Variants in TAMM41 observed in about 807,000 individuals in gnomAD.
The protein encoded by TAMM41 is TAM41 mitochondrial translocator assembly and maintenance homolog, also known as phosphatidate cytidylyltransferase, mitochondrial.
Under a neutral mutation model 44.1 loss-of-function variants are expected in TAMM41, and 36 were observed. The observed-to-expected ratio is 0.82, with a 90% CI of 0.63 to 1.08. The LOEUF (loss-of-function observed/expected upper bound fraction) is 1.08, where lower values mean the gene tolerates loss of function less well. TAMM41 is among the 50% of genes least tolerant of loss of function. The probability of loss-of-function intolerance (pLI) is 0.00; values close to 1 mark genes in which losing one functional copy is unlikely to be tolerated. For synonymous variants in TAMM41, 164 were observed against 153.1 expected, an observed-to-expected ratio of 1.07 and a Z score of -0.53; for missense variants, 417 against 404.3, an observed-to-expected ratio of 1.03 and a Z score of -0.27.
the TAMM41 span, among the ~76,000 whole-genome samples, chr3:11,778,493 A>G: frequency 6.6e-6 from 1 of 152,262 alleles, no homozygotes; most frequent in South Asian, 2.1e-4. Context: ...GGAACTCTAT[A>G]TTTAACCACT....
chr3:11,835,626 T>C (rs2079143305), intron 3 of TAMM41, among the ~76,000 whole-genome samples: 1 of 152,236 alleles, frequency 6.6e-6, no homozygotes, highest in African/African-American at 2.4e-5. Flanking sequence ...ATTTCAGCTT[T>C]CTAAAGCCTT....
chr3:11,757,837 T>A, the TAMM41 span, among the ~76,000 whole-genome samples: 2 of 152,160 alleles, frequency 1.3e-5, no homozygotes. Flanking sequence ...AGAGCCTCTT[T>A]CTAATCCTGC....
the TAMM41 span, among the ~76,000 whole-genome samples, chr3:11,760,989 A>AC: frequency 1.4e-5 from 2 of 147,894 alleles, no homozygotes; most frequent in Middle Eastern, 3.4e-3. Flanking sequence ...ACACGGTGAA[A>AC]CCCCGTCTCT....
Position 11,829,733 on chromosome 3 carries a change from A to C in TAMM41, c.543T>G (p.Ile181Met). 1.2e-6 allele frequency: 2 copies of C among 1,614,148 alleles called. No individual in the cohort carries two copies. Among genetic ancestry groups the C allele is most frequent in the African/African-American group, 2.7e-5 (2 of 75,038 alleles). ...SFSEEDLFIE[I>M]AGLSYSGDFR... ...ACTAACCTGAATAGGAGAGACCGGC[A>C]ATCTCTATGAAGAGGTCTTCTTCAG... is the stretch of plus-strand genomic sequence containing the variant. The change falls in exon 4 of 8, where the codon ATT (isoleucine) becomes ATG (methionine). Residue 181 changes from isoleucine (I) to methionine (M), a missense_variant. Physicochemically the swap from Ile to Met is conservative, Grantham distance 10. Coordinates refer to ENST00000455809, the MANE Select transcript of TAMM41 (RefSeq NM_001284401.2).
At chr3:11,821,603 A>C (rs2078522903) in intron 4 of TAMM41, among the ~76,000 whole-genome samples, 1 of 152,212 alleles carries the variant, frequency 6.6e-6, no homozygotes, top group African/African-American at 2.4e-5. Flanking sequence ...GGGAACCCAG[A>C]GTTAAGGTAT....
At chr3:11,746,521 A>C in the TAMM41 span, among the ~76,000 whole-genome samples, 1 of 152,140 alleles carries the variant, frequency 6.6e-6, no homozygotes, top group Admixed American at 6.6e-5. Context: ...CCTGCAATGA[A>C]ATACTACTGA....
At chr3:11,747,293 C>T in the TAMM41 span, among the ~76,000 whole-genome samples, 6 of 152,030 alleles carry the variant, frequency 3.9e-5, no homozygotes, top group South Asian at 2.1e-4. Context: ...AACTCCTGAA[C>T]TCAGATGGTC....
At chr3:11,759,645 C>G in the TAMM41 span, among the ~76,000 whole-genome samples, 3 of 152,056 alleles carry the variant, frequency 2.0e-5, no homozygotes, top group Non-Finnish European at 2.9e-5. Flanking sequence ...GTTTTAGCGT[C>G]TAGATGAAAA....
At chr3:11,840,624 G>A (rs2079394173) in intron 2 of TAMM41, among the ~76,000 whole-genome samples, 1 of 151,776 alleles carries the variant, frequency 6.6e-6, no homozygotes, top group Non-Finnish European at 1.5e-5. Flanking sequence ...CAATTACAAG[G>A]TGACCACTAT....
At chr3:11,760,246 G>C in the TAMM41 span, among the ~76,000 whole-genome samples, 3 of 152,210 alleles carry the variant, frequency 2.0e-5, no homozygotes, top group African/African-American at 7.2e-5. Flanking sequence ...CATTGACCCA[G>C]TGGCCAGTTA....
chr3:11,737,181 C>T, the TAMM41 span, among the ~76,000 whole-genome samples: 1 of 152,006 alleles, frequency 6.6e-6, no homozygotes, highest in South Asian at 2.1e-4. Context: ...AGAGACCACT[C>T]CTGTTGTCTA....
the TAMM41 span, among the ~76,000 whole-genome samples, chr3:11,725,419 T>TTC: frequency 1.1e-3 from 99 of 92,756 alleles, no homozygotes; most frequent in East Asian, 4.6e-3. Context: ...TTCTTCTTCT[T>TTC]CTTCTTTCCT....
chr3:11,782,245 A>C, the TAMM41 span, among the ~76,000 whole-genome samples: 9 of 152,126 alleles, frequency 5.9e-5, no homozygotes, highest in Admixed American at 3.9e-4. Context: ...TTGGTTGTAA[A>C]ATTTTTTTTT....
At chr3:11,824,496 G>A (rs1053503891) in intron 4 of TAMM41, among the ~76,000 whole-genome samples, 1 of 150,314 alleles carries the variant, frequency 6.7e-6, no homozygotes, top group Non-Finnish European at 1.5e-5. Context: ...GTTTCATCAT[G>A]TTGGCCAGGT....
the TAMM41 span, among the ~76,000 whole-genome samples, chr3:11,780,712 A>G: frequency 1.3e-5 from 2 of 152,192 alleles, no homozygotes; most frequent in African/African-American, 4.8e-5. Context: ...AGGTATCTCT[A>G]TAGTTACCCT....
At chr3:11,814,133 A>G (rs892822390) in intron 5 of TAMM41, among the ~76,000 whole-genome samples, 2 of 151,934 alleles carry the variant, frequency 1.3e-5, no homozygotes, top group Non-Finnish European at 2.9e-5. Flanking sequence ...AGCTATGATC[A>G]TGCCACTATA....
chr3:11,827,117 G>A (rs2078782690), intron 4 of TAMM41, among the ~76,000 whole-genome samples: 1 of 152,150 alleles, frequency 6.6e-6, no homozygotes, highest in Non-Finnish European at 1.5e-5. Context: ...TTCAGGGTAT[G>A]GAATGCTAAT....
At chr3:11,763,129 C>A in the TAMM41 span, among the ~76,000 whole-genome samples, 1 of 152,144 alleles carries the variant, frequency 6.6e-6, no homozygotes, top group South Asian at 2.1e-4. Flanking sequence ...ATTGGAAATC[C>A]TAAAGCCATC....
chr3:11,803,838 A>C (rs2077824835), intron 7 of TAMM41, among the ~76,000 whole-genome samples: 1 of 152,228 alleles, frequency 6.6e-6, no homozygotes, highest in South Asian at 2.1e-4. Context: ...CAGAAACAGA[A>C]ATTCAAGTAT....
Sources: gnomAD v4.1 joint callset for allele counts (sites outside exome capture counted in the v4.1 genomes callset) on GRCh38, gnomAD v4.1.1 for gene constraint, MANE v1.5 for transcripts, NCBI Gene and HGNC (gene_info 2026-07-23, HGNC 2026-07-21) for gene names.